Variants in CPEB2 observed in about 807,000 individuals in gnomAD.
CPEB2 encodes the protein cytoplasmic polyadenylation element-binding protein 2.
Under a neutral mutation model 93.6 loss-of-function variants are expected in CPEB2, and 56 were observed. The ratio of observed to expected loss-of-function variants is 0.60; its 90% CI spans 0.48 to 0.75. CPEB2 has a LOEUF of 0.75. CPEB2 is among the 30% of genes least tolerant of loss of function. The pLI, the probability that CPEB2 is intolerant of heterozygous loss-of-function variation, is 0.00. For synonymous variants in CPEB2, 764 were observed against 586.3 expected (o/e 1.30, Z -4.38); for missense variants, 1,579 against 1,395.1 (o/e 1.13, Z -2.10).
chr4:15,047,635 T>TAGGG (rs1229026599), intron 6 of CPEB2, among the ~76,000 whole-genome samples: 1 of 152,092 alleles, frequency 6.6e-6, no homozygotes, highest in African/African-American at 2.4e-5. Flanking sequence ...TTTCTACTAG[T>TAGGG]TTGATTTCTT....
chr4:15,004,074 C>T lies in CPEB2; in HGVS notation c.1401C>T (p.Pro467=), dbSNP rs199765976. The T allele has an allele frequency of 1.3e-5, 20 of 1,566,026 alleles. No individual in the cohort carries two copies. The highest frequency in any genetic ancestry group is 1.8e-5 in the Admixed American group (1 of 54,274). The change falls in exon 1 of 12, where the codon CCC becomes CCT. Residue 467 remains proline (P), a synonymous_variant. Coordinates refer to ENST00000538197, the MANE Select transcript of CPEB2 (RefSeq NM_001177382.2). ...MNPAFFPSFS[P]VSPHGCTGLS... is the part of the protein sequence containing the mutation. Reference sequence around the variant, plus strand: ...CGGCCTTCTTCCCTAGCTTCTCGCCCGTGTCGCCGCACGGCTGCACTGGGC... The same window carrying T: ...CGGCCTTCTTCCCTAGCTTCTCGCCTGTGTCGCCGCACGGCTGCACTGGGC...
intron 10 of CPEB2, among the ~76,000 whole-genome samples, chr4:15,060,847 A>G (rs1729127268): frequency 6.6e-6 from 1 of 152,184 alleles, no homozygotes; most frequent in Admixed American, 6.5e-5. Flanking sequence ...CATGAACCAG[A>G]TGAAAAATGA....
intron 4 of CPEB2, 85 bp from the exon 5 acceptor site, chr4:15,033,076 C>G (rs748193684): frequency 1.2e-6 from 1 of 869,256 alleles, no homozygotes; most frequent in African/African-American, 1.7e-5. Context: ...CTTTATGCTG[C>G]CTTTGTTGTT....
intron 5 of CPEB2, among the ~76,000 whole-genome samples, chr4:15,034,163 T>G (rs1560235699): frequency 6.6e-6 from 1 of 152,174 alleles, no homozygotes; most frequent in Non-Finnish European, 1.5e-5. Context: ...GATGAGGTGA[T>G]TGATTTAATC....
chr4:15,011,182 C>T (rs1723433023), intron 3 of CPEB2, among the ~76,000 whole-genome samples: 1 of 148,676 alleles, frequency 6.7e-6, no homozygotes, highest in Non-Finnish European at 1.5e-5. Context: ...CTCACTGCAA[C>T]CTCTGCCTCC....
intron 7 of CPEB2, among the ~76,000 whole-genome samples, chr4:15,053,786 A>G (rs1728463664): frequency 6.6e-6 from 1 of 152,062 alleles, no homozygotes; most frequent in Non-Finnish European, 1.5e-5. Context: ...AATAGATTTT[A>G]TTTATATATG....
chr4:15,033,078 T>G, intron 4 of CPEB2, 83 bp from the exon 5 acceptor site: 1 of 916,584 alleles, frequency 1.1e-6, no homozygotes, highest in Non-Finnish European at 1.7e-6. Context: ...TTATGCTGCC[T>G]TTGTTGTTGT....
chr4:15,003,371 C>T lies in CPEB2; in HGVS notation c.698C>T (p.Pro233Leu), dbSNP rs1442696721. 1.4e-6 allele frequency: 2 copies of T among 1,385,774 alleles called. No individual in the cohort carries two copies. Among genetic ancestry groups the T allele is most frequent in the East Asian group, 3.0e-5 (1 of 32,820 alleles). The allele number at this position is 1,385,774 out of a possible 1,614,324, so 85.8% of individuals were successfully genotyped here. A position where few individuals can be genotyped will look rare whatever the true frequency, so the allele number is the denominator to read the frequency against. The part of the protein sequence containing the change: ...QLAQRQQQQP[P>L]QQFSLLHQQH... ...GCTCAGCGCCAGCAGCAACAGCCGC[C>T]GCAGCAGTTCAGCCTCCTGCATCAG... is the stretch of plus-strand genomic sequence containing the variant. The change falls in exon 1 of 12, where the codon CCG (proline) becomes CTG (leucine). Residue 233 changes from proline (P) to leucine (L), a missense_variant. Transcript: ENST00000538197.
chr4:15,034,229 G>A (rs189682027), intron 5 of CPEB2, among the ~76,000 whole-genome samples: 24 of 152,198 alleles, frequency 1.6e-4, no homozygotes, highest in Non-Finnish European at 2.2e-4. Flanking sequence ...CTAAGCACTC[G>A]GTTATCTAAT....
chr4:15,019,077 A>T (rs1472230049), intron 4 of CPEB2, among the ~76,000 whole-genome samples: 2 of 151,014 alleles, frequency 1.3e-5, no homozygotes, highest in South Asian at 2.1e-4. Context: ...AAGGGAAAAA[A>T]CATGCTCACT....
chr4:15,038,978 C>T (rs2109045039), intron 5 of CPEB2, among the ~76,000 whole-genome samples: 1 of 152,236 alleles, frequency 6.6e-6, no homozygotes, highest in African/African-American at 2.4e-5. Context: ...TTTTTAAAAA[C>T]TTTTATGTTT....
chr4:15,046,218 C>G (rs1238468123), intron 6 of CPEB2, among the ~76,000 whole-genome samples: 2 of 151,992 alleles, frequency 1.3e-5, no homozygotes, highest in Non-Finnish European at 2.9e-5. Flanking sequence ...GAGTATGAGA[C>G]TGTGTTGGCC....
chr4:15,003,723 G>GGGGGGCGGC lies in CPEB2; in HGVS notation c.1052_1053insGGGCGGCGG (p.Gly358_Gly360dup). The GGGGGGCGGC allele has an allele frequency of 7.7e-7, 1 of 1,305,782 alleles. No individual in the cohort carries two copies. The highest frequency in any genetic ancestry group is 1.5e-5 in the African/African-American group (1 of 65,472). 80.9% of individuals were successfully genotyped at this position (1,305,782 alleles called of 1,614,324 possible). ...TGCAGAGCCCGGACCTTCCACACCC[G>GGGGGGCGGC]GGCGGCGGCGGCGGCGGCGGGGGCG... On this transcript the variant is annotated inframe_insertion, in exon 1 of 12. Coordinates refer to ENST00000538197, the MANE Select transcript of CPEB2 (RefSeq NM_001177382.2).
intron 4 of CPEB2, among the ~76,000 whole-genome samples, chr4:15,026,061 T>C (rs893853139): frequency 2.6e-5 from 4 of 152,150 alleles, no homozygotes; most frequent in Admixed American, 6.5e-5. Context: ...CAGTCCTTCA[T>C]GTTCAGTTGG....
chr4:15,041,458 A>G (rs1335305476), intron 6 of CPEB2, among the ~76,000 whole-genome samples: 2 of 150,830 alleles, frequency 1.3e-5, no homozygotes, highest in East Asian at 1.9e-4. Flanking sequence ...GCTGGAGTGC[A>G]GTGGCGCGAT....
At chr4:15,008,513 AT>A in intron 3 of CPEB2, 86 bp downstream of exon 3, 1 of 806,608 alleles carries the variant, frequency 1.2e-6, no homozygotes, top group South Asian at 2.0e-5. Context: ...TTACTTTCTT[AT>A]TATACCTATT....
intron 4 of CPEB2, among the ~76,000 whole-genome samples, chr4:15,030,003 TGG>T (rs781240096): frequency 2.0e-5 from 3 of 152,046 alleles, no homozygotes; most frequent in Non-Finnish European, 4.4e-5. Context: ...TGTAGTTTTT[TGG>T]TTTTTTGTTT....
chr4:15,013,469 G>A lies in CPEB2; in HGVS notation c.2035-3719G>A, dbSNP rs1013999510. Among the ~76,000 whole-genome samples, 8 of 151,882 alleles carry A rather than the reference G, an allele frequency of 5.3e-5. No homozygotes were observed. The South Asian group carries it at 6.2e-4, about 12-fold the overall frequency. On this transcript the variant is annotated intron_variant, in intron 3 of 11. Transcript: ENST00000538197. Reference sequence around the variant, plus strand: ...TATTAATGATAATTAGTATTGTTGCGTTCATGGTAACTTGAAAATTGCCTT... The same window carrying A: ...TATTAATGATAATTAGTATTGTTGCATTCATGGTAACTTGAAAATTGCCTT...
chr4:15,034,780 A>G (rs1726446182), intron 5 of CPEB2, among the ~76,000 whole-genome samples: 1 of 152,148 alleles, frequency 6.6e-6, no homozygotes, highest in African/African-American at 2.4e-5. Flanking sequence ...ATAATCGGGA[A>G]TATTTGTGGG....
Sources: allele counts gnomAD v4.1 joint callset (sites outside exome capture counted in the v4.1 genomes callset), GRCh38; gene constraint gnomAD v4.1.1; transcripts MANE v1.5; gene names NCBI Gene and HGNC (gene_info 2026-07-23, HGNC 2026-07-21).